CDCA5: variants seen among roughly 807,000 people sequenced by gnomAD.
CDCA5 encodes sororin.
CDCA5 carries 14 observed loss-of-function variants against 25.7 expected under a neutral mutation model. The observed-to-expected ratio is 0.54, with a 90% CI of 0.36 to 0.85. The LOEUF is 0.85. CDCA5 is among the 40% of genes least tolerant of loss of function. The pLI is 0.01. For synonymous variants in CDCA5, 127 were observed against 128.7 expected (o/e 0.99, Z 0.09); for missense variants, 307 against 324.5 (o/e 0.95, Z 0.41).
At chr11:65,074,323 T>C (rs1340182596), downstream of CDCA5, among the ~76,000 whole-genome samples, 2 of 152,160 alleles carry the variant, frequency 1.3e-5, no homozygotes, top group Non-Finnish European at 2.9e-5. Context: ...CCCACCAACC[T>C]TGGCCTCCCA....
downstream of CDCA5, among the ~76,000 whole-genome samples, chr11:65,064,035 G>A (rs1225667332): frequency 6.6e-6 from 1 of 152,140 alleles, no homozygotes; most frequent in Non-Finnish European, 1.5e-5. Context: ...GGTTGGGGAG[G>A]GGGCTCCGTA....
rs1947515701 is a variant in CDCA5, at chr11:65,079,474, G to C, written c.557C>G (p.Ser186Cys). The C allele has an allele frequency of 6.2e-7, 1 of 1,613,962 alleles. No individual in the cohort carries two copies. Among genetic ancestry groups the C allele is most frequent in the Non-Finnish European group, 8.5e-7 (1 of 1,180,016 alleles). Residue 186 changes from serine (S) to cysteine (C), a missense_variant, in exon 5 of 6, where the codon TCC becomes TGC. Transcript: ENST00000275517. ...AACCCTGGGGACCTCGGTGAGTTTG[G>C]AGCACACCACTGGCGAGACTCCGGA... is the stretch of plus-strand genomic sequence containing the variant. ...DLSGVSPVVC[S>C]KLTEVPRVCA...
chr11:65,083,789 C>T, intron 1 of CDCA5, 66 bp from the exon 2 acceptor site: 1 of 1,578,134 alleles, frequency 6.3e-7, no homozygotes, highest in South Asian at 1.1e-5. Flanking sequence ...AGAACAGGTT[C>T]TAGAGACAGC....
chr11:65,066,349 G>T (rs761631344), downstream of CDCA5: 2 of 1,173,804 alleles, frequency 1.7e-6, no homozygotes, highest in African/African-American at 3.2e-5. Context: ...GGCTGAAGGA[G>T]CGGCCTCCCG....
At position 65,083,552 on chromosome 11, in the gene CDCA5, T is replaced by C. The variant is rs1446947911; in HGVS notation, c.142-2A>G. 4 of 1,614,142 alleles carry C rather than the reference T, an allele frequency of 2.5e-6. No individual in the cohort carries two copies. In the East Asian group the frequency reaches 8.9e-5, roughly 36 times the overall value. On this transcript the variant is annotated splice_acceptor_variant, in intron 2 of 5. Transcript: ENST00000275517. LOFTEE classifies it high-confidence loss of function. ...TCTGACTGCAGCCGCACTGGGTGTC[T>C]GGAGAAGAGGGATGAACGTGAGCTC...
downstream of CDCA5, among the ~76,000 whole-genome samples, chr11:65,074,934 T>C (rs1437709131): frequency 6.6e-6 from 1 of 151,188 alleles, no homozygotes; most frequent in South Asian, 2.1e-4. Context: ...TGGTGGCACA[T>C]GCCTGTAATT....
chr11:65,074,119 C>T (rs1053892588), downstream of CDCA5, among the ~76,000 whole-genome samples: 2 of 152,228 alleles, frequency 1.3e-5, no homozygotes, highest in African/African-American at 4.8e-5. Context: ...TCTGTTTCGG[C>T]TGGAGTGCAG....
chr11:65,065,944 C>T (rs918667266), downstream of CDCA5, among the ~76,000 whole-genome samples: 1 of 152,084 alleles, frequency 6.6e-6, no homozygotes, highest in African/African-American at 2.4e-5. Flanking sequence ...AGTGGCTCTT[C>T]CCCTATCCCT....
intron 1 of CDCA5, among the ~76,000 whole-genome samples, chr11:65,069,982 C>T (rs1181977653): frequency 2.6e-5 from 4 of 152,226 alleles, no homozygotes; most frequent in Non-Finnish European, 4.4e-5. Flanking sequence ...CGAGCCCTGG[C>T]TGCAAGAGGA....
intron 4 of CDCA5, chr11:65,067,630 G>A (rs542059279): frequency 2.4e-5 from 31 of 1,274,688 alleles, no homozygotes; most frequent in African/African-American, 1.4e-4. Flanking sequence ...CACCCTACCC[G>A]CTCCCATCTG....
downstream of CDCA5, among the ~76,000 whole-genome samples, chr11:65,075,418 A>G (rs369179554): frequency 6.6e-6 from 1 of 152,132 alleles, no homozygotes; most frequent in East Asian, 1.9e-4. Context: ...ATAAAAAATT[A>G]AGGAGGGGAG....
downstream of CDCA5, among the ~76,000 whole-genome samples, chr11:65,062,519 AGCTCCC>A (rs1947195418): frequency 1.3e-5 from 2 of 152,104 alleles, no homozygotes; most frequent in Non-Finnish European, 2.9e-5. Context: ...TTGTGTTGGC[AGCTCCC>A]GCTCCCTAGA....
chr11:65,071,241 C>T (rs1228291010), intron 1 of CDCA5, among the ~76,000 whole-genome samples: 2 of 151,288 alleles, frequency 1.3e-5, no homozygotes, highest in African/African-American at 4.9e-5. Context: ...CGTGCTCGGC[C>T]GGGATTTTGG....
intron 4 of CDCA5, among the ~76,000 whole-genome samples, chr11:65,082,522 G>T (rs1411702315): frequency 2.7e-5 from 4 of 149,862 alleles, no homozygotes; most frequent in Admixed American, 1.3e-4. Context: ...GAGTGCAGGG[G>T]CGTGATCTCG....
At chr11:65,067,008 GC>G (rs1947251795) in intron 4 of CDCA5, 1 of 550,754 alleles carries the variant, frequency 1.8e-6, no homozygotes. Context: ...TTCAGTAAGA[GC>G]CCAGTCTTCC....
intron 4 of CDCA5, chr11:65,067,616 C>T: frequency 1.6e-6 from 2 of 1,244,006 alleles, no homozygotes; most frequent in South Asian, 2.5e-5. Flanking sequence ...GGGGGAAGCC[C>T]TGTCACCCTA....
At chr11:65,074,986 C>A (rs939762670), downstream of CDCA5, among the ~76,000 whole-genome samples, 14 of 139,844 alleles carry the variant, frequency 1.0e-4, no homozygotes, top group Non-Finnish European at 7.5e-5. Flanking sequence ...CGCTTGAACT[C>A]GGGAGGTGGA....
At chr11:65,077,430 C>G (rs1947468910), downstream of CDCA5, 1 of 984,850 alleles carries the variant, frequency 1.0e-6, no homozygotes, top group South Asian at 4.7e-5. Flanking sequence ...CTGCCTTTGA[C>G]TCAATAAAAG....
At chr11:65,077,017 G>C (rs1947459388), downstream of CDCA5, among the ~76,000 whole-genome samples, 2 of 152,218 alleles carry the variant, frequency 1.3e-5, no homozygotes, top group Admixed American at 1.3e-4. Context: ...GCCAGGCGCA[G>C]TGGCTCACGC....
Sources: gnomAD v4.1 joint callset for allele counts (sites outside exome capture counted in the v4.1 genomes callset) on GRCh38, gnomAD v4.1.1 for gene constraint, MANE v1.5 for transcripts, NCBI Gene and HGNC (gene_info 2026-07-23, HGNC 2026-07-21) for gene names.